The following CNTNAP5 variants were observed in gnomAD, a reference collection of about 807,000 sequenced individuals.
The protein encoded by CNTNAP5 is contactin-associated protein-like 5.
A neutral mutation model predicts 150.2 loss-of-function variants in CNTNAP5; 72 were observed. That is an observed-to-expected ratio of 0.48 (90% CI 0.40 to 0.58). CNTNAP5 has a LOEUF of 0.58. Ranked by LOEUF, CNTNAP5 falls within the 20% of genes least tolerant of loss-of-function variation. The pLI is 0.00. For missense variants in CNTNAP5, 1,636 were observed against 1,626.2 expected, an observed-to-expected ratio of 1.01 and a Z score of -0.10; for synonymous variants, 672 against 619.8, an observed-to-expected ratio of 1.08 and a Z score of -1.25.
intron 1 of CNTNAP5, among the ~76,000 whole-genome samples, chr2:124,173,582 C>T (rs1433850538): frequency 6.6e-6 from 1 of 152,242 alleles, no homozygotes; most frequent in African/African-American, 2.4e-5. Context: ...AAAGCCTTAA[C>T]TCCTTTCCAT....
chr2:124,297,625 C>T (rs1688467716), intron 3 of CNTNAP5, among the ~76,000 whole-genome samples: 1 of 151,830 alleles, frequency 6.6e-6, no homozygotes, highest in Non-Finnish European at 1.5e-5. Flanking sequence ...CTGATATACT[C>T]TTCTGATTTG....
At chr2:124,192,789 C>T (rs1016112807) in intron 1 of CNTNAP5, among the ~76,000 whole-genome samples, 2 of 152,152 alleles carry the variant, frequency 1.3e-5, no homozygotes, top group African/African-American at 4.8e-5. Context: ...TCATCTCTTG[C>T]TTCCCCAAAA....
intron 19 of CNTNAP5, among the ~76,000 whole-genome samples, chr2:124,852,387 A>C (rs1840200): frequency 0.26 from 40,024 of 152,004 alleles, 7,962 homozygotes; most frequent in African/African-American, 0.56. Context: ...GTGCAGAGAA[A>C]AGCAGGAATA....
intron 4 of CNTNAP5, among the ~76,000 whole-genome samples, chr2:124,434,131 G>A (rs1329814005): frequency 6.6e-6 from 1 of 152,150 alleles, no homozygotes; most frequent in Admixed American, 6.5e-5. Flanking sequence ...CTGTCAGGAA[G>A]ACAAATCAAG....
At chr2:124,599,900 G>C (rs1390371527) in intron 11 of CNTNAP5, among the ~76,000 whole-genome samples, 2 of 151,960 alleles carry the variant, frequency 1.3e-5, no homozygotes, top group Non-Finnish European at 2.9e-5. Flanking sequence ...TTTTGTGTCA[G>C]ATTGAGGTTA....
intron 3 of CNTNAP5, among the ~76,000 whole-genome samples, chr2:124,302,851 T>G (rs2104647809): frequency 6.6e-6 from 1 of 152,326 alleles, no homozygotes; most frequent in Non-Finnish European, 1.5e-5. Context: ...GCTAGTCCAA[T>G]GTGAAACTCC....
At position 124,919,265 on chromosome 2, in the gene CNTNAP5, A is replaced by G. The variant is rs569536076; in HGVS notation, c.*4977A>G. Among the ~76,000 whole-genome samples, 6 of 152,098 alleles carry G rather than the reference A, an allele frequency of 3.9e-5. No homozygotes were observed. The highest frequency in any genetic ancestry group is 6.6e-5 in the Admixed American group (1 of 15,252). On this transcript the variant is annotated 3_prime_UTR_variant, in exon 24 of 24. Transcript: ENST00000682447. ...GTTGACAATTATTTGAATCCTTCATATAAGGTTTTAATAATTAACCGGTTT... is the reference window on the plus strand; with the variant it reads ...GTTGACAATTATTTGAATCCTTCATGTAAGGTTTTAATAATTAACCGGTTT...
chr2:124,135,450 C>T (rs768750224), intron 1 of CNTNAP5, among the ~76,000 whole-genome samples: 7 of 152,078 alleles, frequency 4.6e-5, no homozygotes, highest in East Asian at 1.9e-4. Flanking sequence ...ATTTCCTCTG[C>T]GTTTCTGTTA....
intron 3 of CNTNAP5, among the ~76,000 whole-genome samples, chr2:124,335,501 A>T (rs1157627264): frequency 6.6e-6 from 1 of 151,378 alleles, no homozygotes; most frequent in African/African-American, 2.4e-5. Context: ...AGTTCTTTTT[A>T]TGATGAATGA....
At chr2:124,621,600 G>A (rs1442385092) in intron 12 of CNTNAP5, among the ~76,000 whole-genome samples, 3 of 152,178 alleles carry the variant, frequency 2.0e-5, no homozygotes, top group Non-Finnish European at 4.4e-5. Context: ...TGTGATTGCA[G>A]TAATAGATTA....
At chr2:124,451,976 C>A (rs1448164027) in intron 6 of CNTNAP5, among the ~76,000 whole-genome samples, 2 of 152,054 alleles carry the variant, frequency 1.3e-5, no homozygotes, top group East Asian at 3.9e-4. Context: ...TGAGAAAAGG[C>A]CATAGGGAGA....
intron 5 of CNTNAP5, among the ~76,000 whole-genome samples, chr2:124,440,332 T>G (rs1034127360): frequency 2.0e-5 from 3 of 152,162 alleles, no homozygotes; most frequent in African/African-American, 7.2e-5. Flanking sequence ...AATCAAACCC[T>G]TTTCAAGAAT....
At chr2:124,838,521 G>C (rs188750446) in intron 19 of CNTNAP5, among the ~76,000 whole-genome samples, 13 of 152,272 alleles carry the variant, frequency 8.5e-5, no homozygotes, top group Non-Finnish European at 1.0e-4. Context: ...GTTTTGACTA[G>C]TCTTTCAGCT....
intron 6 of CNTNAP5, among the ~76,000 whole-genome samples, chr2:124,467,207 AC>A (rs1186220581): frequency 6.6e-6 from 1 of 152,198 alleles, no homozygotes; most frequent in Non-Finnish European, 1.5e-5. Flanking sequence ...TTATGTGAGT[AC>A]CTGTGTTGCA....
chr2:124,817,645 A>G (rs1483906202), intron 19 of CNTNAP5, among the ~76,000 whole-genome samples: 1 of 152,198 alleles, frequency 6.6e-6, no homozygotes, highest in East Asian at 1.9e-4. Flanking sequence ...CACAGTTCTT[A>G]CTGGAGGATA....
chr2:124,759,751 G>A (rs1289742631), intron 14 of CNTNAP5, among the ~76,000 whole-genome samples: 1 of 151,794 alleles, frequency 6.6e-6, no homozygotes, highest in Non-Finnish European at 1.5e-5. Flanking sequence ...TCTTATGTTA[G>A]GAAATAAAAA....
chr2:124,529,956 A>T (rs889733665), intron 10 of CNTNAP5, among the ~76,000 whole-genome samples: 1 of 152,150 alleles, frequency 6.6e-6, no homozygotes, highest in African/African-American at 2.4e-5. Flanking sequence ...CCAACCGGGC[A>T]TCTTACATAC....
At chr2:124,760,909 A>C (rs1680942072) in intron 14 of CNTNAP5, among the ~76,000 whole-genome samples, 1 of 152,146 alleles carries the variant, frequency 6.6e-6, no homozygotes, top group African/African-American at 2.4e-5. Flanking sequence ...ACCATTTAAA[A>C]CATAAGAAAG....
chr2:124,337,584 G>C (rs112148156), intron 3 of CNTNAP5, among the ~76,000 whole-genome samples: 109,114 of 152,036 alleles, frequency 0.72, 39,960 homozygotes, highest in African/African-American at 0.85. Context: ...TTTCAGCTTT[G>C]TACATGTGGC....
Sources: gnomAD v4.1 joint callset for allele counts (sites outside exome capture counted in the v4.1 genomes callset) on GRCh38, gnomAD v4.1.1 for gene constraint, MANE v1.5 for transcripts, NCBI Gene and HGNC (gene_info 2026-07-23, HGNC 2026-07-21) for gene names.